Variants in SNX13 observed in about 807,000 individuals in gnomAD.
SNX13 encodes the protein sorting nexin 13.
A neutral mutation model predicts 133.6 loss-of-function variants in SNX13; 45 were observed. The observed-to-expected ratio is 0.34, with a 90% CI of 0.27 to 0.43. The LOEUF is 0.43. Among genes scored for constraint, SNX13 ranks in the 20% least tolerant of loss-of-function variants. The probability of loss-of-function intolerance (pLI) is 1.00; values close to 1 mark genes in which losing one functional copy is unlikely to be tolerated. For synonymous variants in SNX13, 414 were observed against 373.9 expected (o/e 1.11, Z -1.24); for missense variants, 1,032 against 1,145.1 (o/e 0.90, Z 1.43).
At chr7:17,830,287 A>G (rs1436342253) in intron 15 of SNX13, 6 of 984,270 alleles carry the variant, frequency 6.1e-6, no homozygotes, top group Non-Finnish European at 7.2e-6. Flanking sequence ...GCCAAAAATC[A>G]AAAAGGCATT....
In SNX13 at chr7:17,792,235, A is replaced by G. The variant is rs778764065; in HGVS notation, c.*1810T>C. The stretch of plus-strand genomic sequence containing the variant: ...TACAGACATGTTTCATGTTTCAAAC[A>G]TTTTCACTTTTAAAGCCTGGGGCTC... On this transcript the variant is annotated 3_prime_UTR_variant, in exon 26 of 26. Coordinates refer to ENST00000428135, the MANE Select transcript of SNX13 (RefSeq NM_015132.5). 6 of 151,894 alleles carry G rather than the reference A, an allele frequency of 4.0e-5. No individual in the cohort carries two copies. Among genetic ancestry groups the G allele is most frequent in the Non-Finnish European group, 7.4e-5 (5 of 67,896 alleles). 9.4% of individuals were successfully genotyped at this position (151,894 alleles called of 1,614,324 possible).
At chr7:17,897,146 T>C (rs1432838124) in intron 2 of SNX13, among the ~76,000 whole-genome samples, 188 bp downstream of exon 2, 2 of 152,106 alleles carry the variant, frequency 1.3e-5, no homozygotes, top group Non-Finnish European at 1.5e-5. Context: ...ACTACCCATA[T>C]TTCTGATACA....
At chr7:17,794,431 CT>C in intron 25 of SNX13, 139 bp from the exon 26 acceptor site, 46 of 1,052,482 alleles carry the variant, frequency 4.4e-5, no homozygotes, top group Non-Finnish European at 5.9e-5. Context: ...CAGCTATGTA[CT>C]ATAGCTGAAA....
chr7:17,795,793 A>G (rs1253327679), intron 25 of SNX13: 1 of 151,820 alleles, frequency 6.6e-6, no homozygotes, highest in African/African-American at 2.4e-5. Flanking sequence ...GTTTACTATA[A>G]TAGTATATTA....
intron 8 of SNX13, among the ~76,000 whole-genome samples, chr7:17,872,289 T>C (rs1220670844): frequency 4.0e-5 from 6 of 151,806 alleles, no homozygotes; most frequent in African/African-American, 1.5e-4. Flanking sequence ...ATGAGACCAG[T>C]GACATGAAAG....
At chr7:17,858,737 T>G (rs1018166595) in intron 9 of SNX13, among the ~76,000 whole-genome samples, 1 of 152,112 alleles carries the variant, frequency 6.6e-6, no homozygotes, top group African/African-American at 2.4e-5. Flanking sequence ...GCTAAAGTAA[T>G]CAGAAAGTAT....
chr7:17,911,838 A>T (rs1237825609), intron 1 of SNX13, among the ~76,000 whole-genome samples: 2 of 152,232 alleles, frequency 1.3e-5, no homozygotes, highest in African/African-American at 2.4e-5. Context: ...AGATTTTTTT[A>T]AAAAGAGAGA....
chr7:17,827,629 T>C (rs909690973), intron 16 of SNX13, among the ~76,000 whole-genome samples: 2 of 151,948 alleles, frequency 1.3e-5, no homozygotes, highest in African/African-American at 4.8e-5. Context: ...AAATTAGATC[T>C]AGTCCATGCT....
At chr7:17,925,717 G>A (rs1165549451) in intron 1 of SNX13, among the ~76,000 whole-genome samples, 1 of 152,092 alleles carries the variant, frequency 6.6e-6, no homozygotes, top group African/African-American at 2.4e-5. Context: ...CCAGGCCAGG[G>A]ATGTTGCTAA....
At chr7:17,808,588 T>C (rs1319186764) in intron 20 of SNX13, among the ~76,000 whole-genome samples, 2 of 152,080 alleles carry the variant, frequency 1.3e-5, no homozygotes, top group African/African-American at 4.8e-5. Flanking sequence ...ACATTCAAAT[T>C]CAGGAAATAC....
At chr7:17,905,570 A>G (rs1583711230) in intron 1 of SNX13, among the ~76,000 whole-genome samples, 1 of 152,312 alleles carries the variant, frequency 6.6e-6, no homozygotes, top group Admixed American at 6.5e-5. Context: ...CAATTACCCA[A>G]TTCTTTCCAC....
intron 9 of SNX13, among the ~76,000 whole-genome samples, chr7:17,861,326 CACACA>C (rs1308960523): frequency 3.4e-4 from 49 of 143,560 alleles, no homozygotes; most frequent in African/African-American, 5.8e-4. Context: ...ATACAGTTAT[CACACA>C]TACAGTTATC....
intron 2 of SNX13, 122 bp downstream of exon 2, chr7:17,897,212 G>T: frequency 2.1e-6 from 1 of 479,374 alleles, no homozygotes. Context: ...TTTAACTTTA[G>T]TAAAAGCAAT....
At chr7:17,860,760 A>AT (rs1165184475) in intron 9 of SNX13, among the ~76,000 whole-genome samples, 1 of 152,174 alleles carries the variant, frequency 6.6e-6, no homozygotes, top group African/African-American at 2.4e-5. Context: ...TATGCAGATC[A>AT]TTTGAGTATG....
intron 1 of SNX13, among the ~76,000 whole-genome samples, chr7:17,916,779 A>C (rs1431393254): frequency 6.6e-6 from 1 of 152,068 alleles, no homozygotes; most frequent in African/African-American, 2.4e-5. Flanking sequence ...TCTCAAAAAA[A>C]CTAGGAGGAG....
chr7:17,858,077 T>G (rs969833916), intron 9 of SNX13, among the ~76,000 whole-genome samples: 1 of 152,164 alleles, frequency 6.6e-6, no homozygotes, highest in Non-Finnish European at 1.5e-5. Flanking sequence ...AACATCATAT[T>G]GAGTGGAGAA....
At chr7:17,855,672 T>A (rs776838921) in intron 9 of SNX13, among the ~76,000 whole-genome samples, 1 of 152,264 alleles carries the variant, frequency 6.6e-6, no homozygotes. Context: ...TGTTGAGATG[T>A]ACCACTTACA....
intron 20 of SNX13, among the ~76,000 whole-genome samples, chr7:17,812,682 A>G (rs1425042280): frequency 6.6e-6 from 1 of 152,236 alleles, no homozygotes; most frequent in East Asian, 1.9e-4. Flanking sequence ...TCTACTGTAA[A>G]GACACATGCA....
intron 15 of SNX13, 131 bp downstream of exon 15, chr7:17,833,921 T>C (rs1408870049): frequency 6.8e-6 from 4 of 584,486 alleles, no homozygotes; most frequent in Middle Eastern, 4.9e-4. Context: ...CATTCATTTG[T>C]AGATTTTTTA....
Sources: allele counts gnomAD v4.1 joint callset (sites outside exome capture counted in the v4.1 genomes callset), GRCh38; gene constraint gnomAD v4.1.1; transcripts MANE v1.5; gene names NCBI Gene and HGNC (gene_info 2026-07-23, HGNC 2026-07-21).